The following MAOB variants were observed in gnomAD, a reference collection of about 807,000 sequenced individuals.
MAOB encodes the protein amine oxidase [flavin-containing] B.
MAOB carries 15 observed loss-of-function variants against 41.9 expected under a neutral mutation model. The ratio of observed to expected loss-of-function variants is 0.36; its 90% CI spans 0.24 to 0.55. The LOEUF is 0.55. Ranked by LOEUF, MAOB falls within the 20% of genes least tolerant of loss-of-function variation. The pLI is 0.86. For synonymous variants in MAOB, 167 were observed against 144.2 expected (o/e 1.16, Z -1.13); for missense variants, 345 against 398.7 (o/e 0.87, Z 1.15).
intron 3 of MAOB, among the ~76,000 whole-genome samples, chrX:43,832,368 C>T (rs528831670): frequency 1.8e-5 from 2 of 111,718 alleles, no homozygotes; most frequent in East Asian, 5.6e-4. Flanking sequence ...CTTTTTTGCA[C>T]ACATACACAA....
At chrX:43,795,017 C>A (rs2034509926) in intron 7 of MAOB, among the ~76,000 whole-genome samples, 1 of 110,730 alleles carries the variant, frequency 9.0e-6, no homozygotes, top group Admixed American at 9.6e-5. Context: ...AGCAAGCAAG[C>A]AATTCTATAG....
intron 1 of MAOB, among the ~76,000 whole-genome samples, chrX:43,845,615 T>A (rs144476179): frequency 0.012 from 1,303 of 111,957 alleles, 11 homozygotes; most frequent in Middle Eastern, 0.023. Context: ...AACACTGTCT[T>A]CCCCGGACCC....
intron 2 of MAOB, among the ~76,000 whole-genome samples, chrX:43,840,814 G>C (rs751904220): frequency 9.0e-6 from 1 of 110,554 alleles, no homozygotes; most frequent in African/African-American, 3.3e-5. Flanking sequence ...AGATTCCCTC[G>C]GTCCTATGCC....
intron 8 of MAOB, among the ~76,000 whole-genome samples, chrX:43,782,012 A>G (rs1019941774): frequency 8.9e-6 from 1 of 112,044 alleles, no homozygotes; most frequent in African/African-American, 3.2e-5. Flanking sequence ...AATTTATAGC[A>G]CTAAATGCCC....
intron 3 of MAOB, among the ~76,000 whole-genome samples, chrX:43,829,334 G>C (rs1285601990): frequency 8.9e-6 from 1 of 111,838 alleles, no homozygotes; most frequent in Non-Finnish European, 1.9e-5. Context: ...TGGCACTTTG[G>C]GACAGTTCTA....
In MAOB at chrX:43,821,420, T is replaced by G. The variant is rs186193890; in HGVS notation, c.279+17448A>C. ...CCAAAACAACTGCACCACTCTCCTATCCCGGCTGCAGCCTCACTGGGCTCA... is the reference window on the plus strand; with the variant it reads ...CCAAAACAACTGCACCACTCTCCTAGCCCGGCTGCAGCCTCACTGGGCTCA... On this transcript the variant is annotated intron_variant, in intron 3 of 14. Transcript: ENST00000378069. Among the ~76,000 whole-genome samples the G allele has an allele frequency of 1.6e-3, 181 of 111,715 alleles. 2 individuals are homozygous for G. The highest frequency in any genetic ancestry group is 0.014 in the Middle Eastern group (3 of 216).
intron 2 of MAOB, among the ~76,000 whole-genome samples, chrX:43,841,860 A>C (rs2035141267): frequency 8.9e-6 from 1 of 112,080 alleles, no homozygotes; most frequent in Admixed American, 9.5e-5. Context: ...ATCCACATGC[A>C]GAAGAATAAA....
intron 11 of MAOB, among the ~76,000 whole-genome samples, chrX:43,777,071 C>T (rs988386234): frequency 9.0e-6 from 1 of 110,789 alleles, no homozygotes; most frequent in Non-Finnish European, 1.9e-5. Context: ...AATAAACATA[C>T]GTGTGCATAT....
At chrX:43,849,435 C>T (rs1218411428) in intron 1 of MAOB, among the ~76,000 whole-genome samples, 2 of 112,535 alleles carry the variant, frequency 1.8e-5, no homozygotes, top group Non-Finnish European at 3.8e-5. Context: ...AGCATCAGGG[C>T]CACTGCTAGC....
chrX:43,868,867 G>T (rs2035382253), intron 1 of MAOB, among the ~76,000 whole-genome samples: 1 of 111,102 alleles, frequency 9.0e-6, no homozygotes, highest in African/African-American at 3.3e-5. Flanking sequence ...GTGTGTGTGT[G>T]TGTGTGTGTG....
intron 10 of MAOB, among the ~76,000 whole-genome samples, 193 bp from the exon 11 acceptor site, chrX:43,778,932 A>C (rs1156354503): frequency 8.9e-6 from 1 of 112,139 alleles, no homozygotes; most frequent in Non-Finnish European, 1.9e-5. Context: ...GGTCACAAAT[A>C]TTAATCACAC....
At chrX:43,819,821 A>G (rs1432354892) in intron 3 of MAOB, among the ~76,000 whole-genome samples, 1 of 112,013 alleles carries the variant, frequency 8.9e-6, no homozygotes, top group African/African-American at 3.2e-5. Context: ...GCTAAAGGAA[A>G]TGAGACATAG....
At chrX:43,823,120 C>T (rs1214816273) in intron 3 of MAOB, among the ~76,000 whole-genome samples, 1 of 108,556 alleles carries the variant, frequency 9.2e-6, no homozygotes, top group East Asian at 2.9e-4. Context: ...AACCCAGGCC[C>T]CTCTGGGTTC....
intron 1 of MAOB, among the ~76,000 whole-genome samples, chrX:43,862,394 C>T (rs1248081457): frequency 9.0e-6 from 1 of 111,725 alleles, no homozygotes; most frequent in Non-Finnish European, 1.9e-5. Context: ...AATTCAAAGC[C>T]AATAAACATT....
At chrX:43,870,268 A>G (rs1449444490) in intron 1 of MAOB, among the ~76,000 whole-genome samples, 3 of 112,340 alleles carry the variant, frequency 2.7e-5, no homozygotes, top group Non-Finnish European at 5.6e-5. Context: ...CCAGTAAAAG[A>G]AGGAATCCAT....
chrX:43,852,369 AG>A (rs1252843735), intron 1 of MAOB, among the ~76,000 whole-genome samples: 1 of 112,421 alleles, frequency 8.9e-6, no homozygotes, highest in African/African-American at 3.2e-5. Flanking sequence ...ATTTAAACAA[AG>A]CTGTTTAGGA....
intron 8 of MAOB, among the ~76,000 whole-genome samples, chrX:43,788,485 A>G (rs1026164517): frequency 8.9e-6 from 1 of 112,205 alleles, no homozygotes; most frequent in African/African-American, 3.2e-5. Flanking sequence ...TACAGCATTT[A>G]TCAAAAAGAA....
rs150950993 is a variant in MAOB at position 43,869,686 on chromosome X, A to G, written c.46+12568T>C. Among the ~76,000 whole-genome samples the G allele has an allele frequency of 5.6e-4, 63 of 111,813 alleles. No homozygotes were observed. In the East Asian group the frequency reaches 0.016, roughly 29 times the overall value. On this transcript the variant is annotated intron_variant, in intron 1 of 14. Transcript: ENST00000378069. The stretch of plus-strand genomic sequence containing the variant: ...AAAATGAAAGAAAATCATTTTTCTG[A>G]CTCTTACATCATTTTTTGAATCACA...
intron 3 of MAOB, among the ~76,000 whole-genome samples, chrX:43,834,113 T>G (rs2035046766): frequency 8.9e-6 from 1 of 111,801 alleles, no homozygotes; most frequent in Admixed American, 9.5e-5. Flanking sequence ...TGGGTGGAAG[T>G]GGTAGAAAAG....
Sources: gnomAD v4.1 joint callset for allele counts (sites outside exome capture counted in the v4.1 genomes callset) on GRCh38, gnomAD v4.1.1 for gene constraint, MANE v1.5 for transcripts, NCBI Gene and HGNC (gene_info 2026-07-23, HGNC 2026-07-21) for gene names.